NRXN1: variants seen among roughly 807,000 people sequenced by gnomAD.
NRXN1 encodes the protein neurexin 1.
In NRXN1, 39 loss-of-function variants were observed where a neutral mutation model predicts 150.9. The ratio of observed to expected loss-of-function variants is 0.26; its 90% CI spans 0.20 to 0.34. The LOEUF (loss-of-function observed/expected upper bound fraction) is 0.34. NRXN1 is among the 10% of genes least tolerant of loss of function. The pLI is 1.00. For missense variants in NRXN1, 1,815 were observed against 1,949.9 expected (o/e 0.93, Z 1.30); for synonymous variants, 924 against 757.0 (o/e 1.22, Z -3.62).
intron 17 of NRXN1, among the ~76,000 whole-genome samples, chr2:50,410,162 G>A (rs1336663508): frequency 6.6e-6 from 1 of 151,694 alleles, no homozygotes; most frequent in African/African-American, 2.4e-5. Context: ...AATATAACCA[G>A]CAATTTTTAA....
chr2:50,212,153 A>G (rs910201179), intron 18 of NRXN1, among the ~76,000 whole-genome samples: 20 of 151,842 alleles, frequency 1.3e-4, no homozygotes, highest in Non-Finnish European at 2.9e-4. Context: ...TTCCAAATTT[A>G]TAATTGAAAA....
At chr2:50,255,066 C>T (rs1248405302) in intron 17 of NRXN1, among the ~76,000 whole-genome samples, 11 of 151,996 alleles carry the variant, frequency 7.2e-5, no homozygotes, top group South Asian at 2.1e-4. Flanking sequence ...CCTTGGCCTA[C>T]GAAAGTGCTG....
intron 5 of NRXN1, chr2:50,696,229 CTA>C (rs1394539885): frequency 2.0e-5 from 3 of 148,614 alleles, no homozygotes; most frequent in African/African-American, 7.5e-5. Context: ...TACACATATG[CTA>C]TATACACACA....
rs142576323 is a variant in NRXN1, at chr2:50,854,628, C to T, written c.832+67241G>A. Among the ~76,000 whole-genome samples, 984 of 152,088 alleles carry T rather than the reference C, an allele frequency of 6.5e-3. 14 individuals are homozygous for T. Among genetic ancestry groups the T allele is most frequent in the African/African-American group, 0.022 (914 of 41,524 alleles). The stretch of plus-strand genomic sequence containing the variant: ...AGGAAAATAAGAGTTGAAGCCTTGG[C>T]GGAATACCCAAAGGCATTTTGCTTT... On this transcript the variant is annotated intron_variant, in intron 5 of 22. Coordinates refer to ENST00000401669, the MANE Select transcript of NRXN1 (RefSeq NM_001330078.2).
chr2:50,223,794 CG>C (rs1357026285), intron 18 of NRXN1, among the ~76,000 whole-genome samples: 1 of 151,734 alleles, frequency 6.6e-6, no homozygotes, highest in Non-Finnish European at 1.5e-5. Flanking sequence ...GTTTGGGGTG[CG>C]GGGGGAAAGA....
intron 2 of NRXN1, among the ~76,000 whole-genome samples, chr2:50,972,086 A>AC (rs2104795118): frequency 1.1e-5 from 1 of 88,944 alleles, no homozygotes; most frequent in African/African-American, 4.6e-5. Flanking sequence ...TATTTTATTC[A>AC]CAAAAAAAAA....
At chr2:50,635,052 G>T (rs1683025736) in intron 5 of NRXN1, among the ~76,000 whole-genome samples, 4 of 152,114 alleles carry the variant, frequency 2.6e-5, no homozygotes, top group Admixed American at 2.6e-4. Flanking sequence ...TGGCCTTCTT[G>T]TGAGTAATAC....
chr2:49,966,418 A>T (rs975510463), intron 21 of NRXN1, among the ~76,000 whole-genome samples: 2 of 152,198 alleles, frequency 1.3e-5, no homozygotes, highest in African/African-American at 4.8e-5. Flanking sequence ...AAATCTCATA[A>T]GAAAATCTCA....
chr2:50,407,631 G>T (rs906509373), intron 17 of NRXN1, among the ~76,000 whole-genome samples: 2 of 152,032 alleles, frequency 1.3e-5, no homozygotes, highest in African/African-American at 4.8e-5. Context: ...GGTCATCATG[G>T]GAGTGGGGGT....
chr2:50,592,222 T>C (rs1674389615), intron 8 of NRXN1, among the ~76,000 whole-genome samples: 1 of 152,192 alleles, frequency 6.6e-6, no homozygotes. Flanking sequence ...AGAAACTTGT[T>C]CAAGTTTTAC....
rs1668434559 is a variant in NRXN1, at chr2:50,557,533, T to C, written c.1321-4508A>G. The stretch of plus-strand genomic sequence containing the variant: ...TTCAGAGAGAATTCCAGCTCACTCA[T>C]TTTCAAACCTGTGACCTTGTGCAAG... On this transcript the variant is annotated intron_variant, in intron 8 of 22. Transcript: ENST00000401669. 3.3e-5 allele frequency among the ~76,000 whole-genome samples: 5 copies of C among 152,230 alleles called. No homozygotes were observed. The South Asian group carries it at 1.0e-3, about 32-fold the overall frequency.
chr2:50,156,146 A>T (rs908859039), intron 18 of NRXN1, among the ~76,000 whole-genome samples: 31 of 151,816 alleles, frequency 2.0e-4, no homozygotes, highest in African/African-American at 7.5e-4. Context: ...TACTTTTGGA[A>T]TAAAAAAGGA....
intron 17 of NRXN1, among the ~76,000 whole-genome samples, chr2:50,390,419 T>C (rs1308797024): frequency 1.3e-5 from 2 of 152,168 alleles, no homozygotes; most frequent in South Asian, 2.1e-4. Flanking sequence ...TTTAGGAACT[T>C]ATTCCTGAGA....
At chr2:50,381,085 A>G (rs1170819221) in intron 17 of NRXN1, among the ~76,000 whole-genome samples, 1 of 152,156 alleles carries the variant, frequency 6.6e-6, no homozygotes, top group Non-Finnish European at 1.5e-5. Context: ...AGCACCCAGC[A>G]TAATATCAGG....
chr2:50,402,462 C>A (rs1159065031), intron 17 of NRXN1, among the ~76,000 whole-genome samples: 1 of 151,728 alleles, frequency 6.6e-6, no homozygotes, highest in African/African-American at 2.4e-5. Flanking sequence ...AAGGTGAAAA[C>A]GGAATAAATA....
chr2:50,691,884 G>C (rs1031928632), intron 5 of NRXN1, among the ~76,000 whole-genome samples: 8 of 152,040 alleles, frequency 5.3e-5, no homozygotes, highest in Non-Finnish European at 1.0e-4. Context: ...TGAATACTAA[G>C]ACTCATCTGT....
At chr2:50,778,751 G>C (rs1282541406) in intron 5 of NRXN1, among the ~76,000 whole-genome samples, 1 of 152,140 alleles carries the variant, frequency 6.6e-6, no homozygotes, top group Non-Finnish European at 1.5e-5. Flanking sequence ...CTACCCAAAT[G>C]TGCATATGTT....
chr2:50,043,246 C>CA (rs1227554379), intron 21 of NRXN1, among the ~76,000 whole-genome samples: 9 of 152,212 alleles, frequency 5.9e-5, no homozygotes, highest in African/African-American at 2.2e-4. Flanking sequence ...ACTCCAGTCA[C>CA]AAAAATGTCT....
At chr2:50,826,942 C>A (rs1236139257) in intron 5 of NRXN1, among the ~76,000 whole-genome samples, 2 of 152,150 alleles carry the variant, frequency 1.3e-5, no homozygotes, top group Non-Finnish European at 2.9e-5. Flanking sequence ...GTCTTTCAGA[C>A]CAGCATTTGG....
Sources: gnomAD v4.1 joint callset for allele counts (sites outside exome capture counted in the v4.1 genomes callset) on GRCh38, gnomAD v4.1.1 for gene constraint, MANE v1.5 for transcripts, NCBI Gene and HGNC (gene_info 2026-07-23, HGNC 2026-07-21) for gene names.